PTPN14: variants seen among roughly 807,000 people sequenced by gnomAD.
PTPN14 encodes the protein protein tyrosine phosphatase non-receptor type 14, also known as tyrosine-protein phosphatase non-receptor type 14.
In PTPN14, 53 loss-of-function variants were observed where a neutral mutation model predicts 126.8. That is an observed-to-expected ratio of 0.42 (90% CI 0.34 to 0.53). The LOEUF is 0.53. PTPN14 is among the 20% of genes least tolerant of loss of function. The pLI is 0.08. For missense variants in PTPN14, 1,257 were observed against 1,552.9 expected, an observed-to-expected ratio of 0.81 and a Z score of 3.20; for synonymous variants, 630 against 599.3, an observed-to-expected ratio of 1.05 and a Z score of -0.75.
chr1:214,402,963 T>C lies in PTPN14; in HGVS notation c.511-10A>G, dbSNP rs768310039. 3.8e-5 allele frequency: 62 copies of C among 1,613,554 alleles called. 2 individuals carry two copies. The Middle Eastern group carries it at 1.6e-3, about 43-fold the overall frequency. Reference sequence around the variant, plus strand: ...CTTCCAGGGCCAAATCCTATAAGAATAGAAAGTGCTTAAGGTCACATGAGG... The same window carrying C: ...CTTCCAGGGCCAAATCCTATAAGAACAGAAAGTGCTTAAGGTCACATGAGG... On this transcript the variant is annotated splice_polypyrimidine_tract_variant and intron_variant, in intron 5 of 18. Transcript: ENST00000366956.
intron 3 of PTPN14, among the ~76,000 whole-genome samples, chr1:214,441,632 T>C (rs1471299427): frequency 6.6e-6 from 1 of 152,206 alleles, no homozygotes; most frequent in African/African-American, 2.4e-5. Flanking sequence ...ATCCCACCCA[T>C]TGTAATGATA....
chr1:214,550,076 G>A (rs1182589743), intron 1 of PTPN14, among the ~76,000 whole-genome samples: 1 of 152,112 alleles, frequency 6.6e-6, no homozygotes, highest in Non-Finnish European at 1.5e-5. Context: ...CCTTCACCAG[G>A]ACCAAGCTCG....
chr1:214,399,320 G>C (rs563904907), intron 7 of PTPN14, among the ~76,000 whole-genome samples: 11 of 152,176 alleles, frequency 7.2e-5, no homozygotes, highest in Non-Finnish European at 1.2e-4. Flanking sequence ...TAGATAGAGA[G>C]ATAGATATTT....
intron 3 of PTPN14, among the ~76,000 whole-genome samples, chr1:214,429,941 T>A (rs1571995017): frequency 6.6e-6 from 1 of 152,342 alleles, no homozygotes; most frequent in East Asian, 1.9e-4. Context: ...AATGACCTCA[T>A]CAGATTAAAA....
chr1:214,530,675 T>A (rs982134414), intron 1 of PTPN14: 2 of 152,156 alleles, frequency 1.3e-5, no homozygotes, highest in Non-Finnish European at 2.9e-5. Context: ...GCCTCAACTC[T>A]TCCAAAATAA....
chr1:214,412,588 A>C (rs1042195090), intron 4 of PTPN14, among the ~76,000 whole-genome samples: 1 of 152,206 alleles, frequency 6.6e-6, no homozygotes, highest in African/African-American at 2.4e-5. Context: ...CCTATTTCCA[A>C]GTTCAATAAT....
At chr1:214,537,048 A>G (rs1211897015) in intron 1 of PTPN14, among the ~76,000 whole-genome samples, 1 of 152,246 alleles carries the variant, frequency 6.6e-6, no homozygotes, top group African/African-American at 2.4e-5. Flanking sequence ...CTCAGTTACA[A>G]AAGAATCTGG....
intron 10 of PTPN14, among the ~76,000 whole-genome samples, chr1:214,392,462 C>G (rs1037551520): frequency 1.3e-5 from 2 of 152,092 alleles, no homozygotes; most frequent in Non-Finnish European, 2.9e-5. Context: ...AATCAGAAGA[C>G]AAGAGTAAAA....
intron 3 of PTPN14, among the ~76,000 whole-genome samples, chr1:214,434,652 C>CT (rs1348012237): frequency 2.6e-5 from 4 of 152,054 alleles, no homozygotes; most frequent in African/African-American, 9.7e-5. Context: ...AGCAAGGAAT[C>CT]TATGAGAAGC....
intron 1 of PTPN14, among the ~76,000 whole-genome samples, chr1:214,543,805 G>A (rs1655901557): frequency 6.6e-6 from 1 of 152,114 alleles, no homozygotes; most frequent in African/African-American, 2.4e-5. Flanking sequence ...TTTTAGTAGA[G>A]ACGGGGGTTA....
intron 2 of PTPN14, among the ~76,000 whole-genome samples, chr1:214,463,168 T>C (rs1660549670): frequency 6.6e-6 from 1 of 152,198 alleles, no homozygotes; most frequent in Non-Finnish European, 1.5e-5. Context: ...TTGCTCTAAT[T>C]TGAGTGACTG....
intron 3 of PTPN14, among the ~76,000 whole-genome samples, chr1:214,437,248 AAAG>A (rs58115350): frequency 0.46 from 70,261 of 151,652 alleles, 16,897 homozygotes; most frequent in African/African-American, 0.6. Flanking sequence ...GACAGTGGCA[AAAG>A]AATTACTGAA....
rs752416621 is a variant in PTPN14 at position 214,383,455 on chromosome 1, G to A, written c.2400C>T (p.Asn800=). 45 of 1,614,124 alleles carry A rather than the reference G, an allele frequency of 2.8e-5. No homozygotes were observed. The South Asian group carries it at 3.7e-4, about 13-fold the overall frequency. ...AGATGGATGGGCCGAGAGAGGCCCCGTTGACAGCCGGCGGGTCAGTCCGAG... is the reference window on the plus strand; with the variant it reads ...AGATGGATGGGCCGAGAGAGGCCCCATTGACAGCCGGCGGGTCAGTCCGAG... ...SMSRTDPPAV[N]GASLGPSISE... is the part of the protein sequence containing the mutation. Residue 800 remains asparagine, a synonymous_variant, in exon 13 of 19, where the codon AAC becomes AAT. Coordinates refer to ENST00000366956, the MANE Select transcript of PTPN14 (RefSeq NM_005401.5). This position sits in a 1 kb window ranked among gnomAD's most constrained non-coding sequence, Gnocchi z 4.4.
intron 1 of PTPN14, among the ~76,000 whole-genome samples, chr1:214,507,886 C>T (rs1209204855): frequency 3.3e-5 from 5 of 152,012 alleles, no homozygotes; most frequent in Admixed American, 2.6e-4. Context: ...GAGGCTGAGG[C>T]GGAAGGATCC....
chr1:214,507,133 CCA>C (rs1359309902), intron 1 of PTPN14, among the ~76,000 whole-genome samples: 1 of 152,098 alleles, frequency 6.6e-6, no homozygotes, highest in Non-Finnish European at 1.5e-5. Context: ...CTTCACAGTT[CCA>C]CATACTTTAA....
chr1:214,494,196 G>C (rs1661310947), intron 1 of PTPN14, among the ~76,000 whole-genome samples: 1 of 152,108 alleles, frequency 6.6e-6, no homozygotes, highest in Non-Finnish European at 1.5e-5. Context: ...TCAGCCTCCA[G>C]AGTAGCTGGG....
rs1657744942 is a variant in PTPN14, at chr1:214,353,412, TCCC to T, written c.*4507_*4509del. ...TTGGAACTTTGTGGGTTTCCCCTCT[TCCC>T]CAAATATTTTTCAATCTGTACTTGG... On this transcript the variant is annotated 3_prime_UTR_variant, in exon 19 of 19. Transcript: ENST00000366956. The T allele has an allele frequency of 1.3e-5, 2 of 152,212 alleles. No homozygotes were observed. Among genetic ancestry groups the T allele is most frequent in the African/African-American group, 4.8e-5 (2 of 41,454 alleles). The allele number at this position is 152,212 out of a possible 1,614,324, so 9.4% of individuals were successfully genotyped here. A position where few individuals can be genotyped will look rare whatever the true frequency, so the allele number is the denominator to read the frequency against.
chr1:214,381,667 TG>T (rs1465528676), intron 13 of PTPN14, among the ~76,000 whole-genome samples: 1 of 152,226 alleles, frequency 6.6e-6, no homozygotes, highest in Admixed American at 6.5e-5. Context: ...GGGCCTTGAT[TG>T]TTCTTTTCAG....
rs1660879180 is a variant in PTPN14, at chr1:214,476,864, T to G, written c.-154-11907A>C. Among the ~76,000 whole-genome samples, 2 of 152,150 alleles carry G rather than the reference T, an allele frequency of 1.3e-5. 1 individual carries two copies. The highest frequency in any genetic ancestry group is 4.1e-4 in the South Asian group (2 of 4,824). On this transcript the variant is annotated intron_variant, in intron 1 of 18. Coordinates refer to ENST00000366956, the MANE Select transcript of PTPN14 (RefSeq NM_005401.5). ...ATTCCTGGCACATGGTAAGCATTGG[T>G]TATGTGTTTGCTATCACCGCCATTA... is the stretch of plus-strand genomic sequence containing the variant.
Sources: allele counts gnomAD v4.1 joint callset (sites outside exome capture counted in the v4.1 genomes callset), GRCh38; gene constraint gnomAD v4.1.1; non-coding constraint Gnocchi (gnomAD v3.1); transcripts MANE v1.5; gene names NCBI Gene and HGNC (gene_info 2026-07-23, HGNC 2026-07-21).